The following ZC3H12B variants were observed in gnomAD, a reference collection of about 807,000 sequenced individuals.
ZC3H12B encodes zinc finger CCCH-type containing 12B.
Under a neutral mutation model 43.9 loss-of-function variants are expected in ZC3H12B, and 7 were observed. The ratio of observed to expected loss-of-function variants is 0.16; its 90% CI spans 0.09 to 0.30. The LOEUF (loss-of-function observed/expected upper bound fraction) is 0.30, where lower values mean the gene tolerates loss of function less well. ZC3H12B is among the 10% of genes least tolerant of loss of function. The pLI, the probability that ZC3H12B is intolerant of heterozygous loss-of-function variation, is 1.00. For missense variants in ZC3H12B, 475 were observed against 670.2 expected (o/e 0.71, Z 3.22); for synonymous variants, 222 against 241.7 (o/e 0.92, Z 0.76).
At chrX:65,214,117 G>A in the ZC3H12B span, among the ~76,000 whole-genome samples, 1 of 111,440 alleles carries the variant, frequency 9.0e-6, no homozygotes, top group South Asian at 3.7e-4. Context: ...TCTTCAGTGA[G>A]TTGTAATATT....
the ZC3H12B span, among the ~76,000 whole-genome samples, chrX:65,162,173 G>C: frequency 1.8e-5 from 2 of 111,187 alleles, no homozygotes; most frequent in Non-Finnish European, 3.8e-5. Context: ...TGGGTAACCT[G>C]ACCTTTCTCT....
At chrX:65,342,225 A>C in the ZC3H12B span, among the ~76,000 whole-genome samples, 2 of 111,850 alleles carry the variant, frequency 1.8e-5, no homozygotes, top group African/African-American at 6.5e-5. Context: ...AACCATCTTA[A>C]ATATGTATGC....
At position 65,464,147 on chromosome X, in the gene ZC3H12B, T is replaced by A. The variant is rs762580333; in HGVS notation, n.408-24499T>A. 6.2e-5 allele frequency among the ~76,000 whole-genome samples: 7 copies of A among 112,376 alleles called. No homozygotes were observed. The South Asian group carries it at 2.6e-3, about 42-fold the overall frequency. On this transcript the variant is annotated intron_variant and non_coding_transcript_variant, in intron 3 of 5. Coordinates refer to the ZC3H12B transcript ENST00000617377. ...TTGGACTTTTGCTCCCAATGGGAGA[T>A]GTGTTAACCTGAGAGAGGGCCTGAT...
chrX:65,066,546 A>G, the ZC3H12B span, among the ~76,000 whole-genome samples: 1 of 110,917 alleles, frequency 9.0e-6, no homozygotes, highest in South Asian at 3.8e-4. Flanking sequence ...CCAGGTACTA[A>G]CCTGAGCTCT....
the ZC3H12B span, among the ~76,000 whole-genome samples, chrX:65,127,030 A>G: frequency 1.4e-4 from 15 of 110,610 alleles, 1 homozygote; most frequent in African/African-American, 4.3e-4. Flanking sequence ...TTTTGGATCC[A>G]TTGCTGGTGA....
At chrX:65,152,558 C>G in the ZC3H12B span, among the ~76,000 whole-genome samples, 1 of 111,112 alleles carries the variant, frequency 9.0e-6, no homozygotes, top group Non-Finnish European at 1.9e-5. Flanking sequence ...AGGAGAACTA[C>G]AAACCACTGC....
At chrX:65,222,158 G>A in the ZC3H12B span, among the ~76,000 whole-genome samples, 41 of 111,652 alleles carry the variant, frequency 3.7e-4, 1 homozygote, top group East Asian at 6.2e-3. Flanking sequence ...ATCACTTTAT[G>A]ATTAAAACCC....
At chrX:65,051,885 G>A in the ZC3H12B span, among the ~76,000 whole-genome samples, 1 of 110,758 alleles carries the variant, frequency 9.0e-6, no homozygotes, top group South Asian at 3.9e-4. Context: ...AGCTGAGTCA[G>A]TTCCTGGGAG....
the ZC3H12B span, among the ~76,000 whole-genome samples, chrX:65,204,664 T>A: frequency 4.5e-5 from 5 of 112,017 alleles, no homozygotes; most frequent in Admixed American, 4.8e-4. Context: ...ATTTACAAAG[T>A]GGTAGCCTTA....
At chrX:65,277,358 C>A in the ZC3H12B span, among the ~76,000 whole-genome samples, 1 of 111,401 alleles carries the variant, frequency 9.0e-6, no homozygotes, top group East Asian at 2.8e-4. Context: ...GTAACATACA[C>A]CAAATGGACC....
chrX:65,461,855 T>A (rs779595534), intron 3 of ZC3H12B, among the ~76,000 whole-genome samples: 144 of 108,927 alleles, frequency 1.3e-3, no homozygotes, highest in African/African-American at 4.7e-3. Context: ...ATAAAAAAAA[T>A]AAAATAATAA....
chrX:65,062,637 A>G, the ZC3H12B span, among the ~76,000 whole-genome samples: 1 of 112,107 alleles, frequency 8.9e-6, no homozygotes, highest in East Asian at 2.8e-4. Flanking sequence ...TGTCTTGGCT[A>G]TACGAGCTCT....
chrX:65,256,536 A>C, the ZC3H12B span, among the ~76,000 whole-genome samples: 1 of 112,016 alleles, frequency 8.9e-6, no homozygotes, highest in African/African-American at 3.2e-5. Flanking sequence ...ACACAGCTAA[A>C]GGGGTGCTAA....
the ZC3H12B span, among the ~76,000 whole-genome samples, chrX:65,229,645 G>A: frequency 2.1e-4 from 22 of 103,791 alleles, no homozygotes; most frequent in South Asian, 4.6e-4. Flanking sequence ...TCTGACAAAG[G>A]GCTAATATCC....
the ZC3H12B span, among the ~76,000 whole-genome samples, chrX:65,196,795 A>G: frequency 9.0e-6 from 1 of 111,586 alleles, no homozygotes; most frequent in Non-Finnish European, 1.9e-5. Context: ...TCACCAGGCC[A>G]AAATAACAAA....
intron 3 of ZC3H12B, 67 bp downstream of exon 8, chrX:65,499,300 T>C: frequency 3.6e-6 from 3 of 832,752 alleles, no homozygotes; most frequent in Non-Finnish European, 5.1e-6. Flanking sequence ...TTAATAAACA[T>C]TTACCAAACA....
At chrX:65,122,255 T>G in the ZC3H12B span, among the ~76,000 whole-genome samples, 2 of 110,944 alleles carry the variant, frequency 1.8e-5, no homozygotes, top group African/African-American at 6.6e-5. Context: ...AAAAGAATTT[T>G]CAACCCAGAA....
the ZC3H12B span, among the ~76,000 whole-genome samples, chrX:65,351,033 G>A: frequency 7.1e-5 from 8 of 111,902 alleles, no homozygotes; most frequent in African/African-American, 2.6e-4. Context: ...TGGGCAAGAA[G>A]AAAAAAGCTG....
At chrX:65,365,133 C>T (rs1464796788), upstream of ZC3H12B, among the ~76,000 whole-genome samples, 2 of 111,072 alleles carry the variant, frequency 1.8e-5, no homozygotes, top group Non-Finnish European at 3.8e-5. Context: ...CTTCATACCC[C>T]TTACCATCCT....
Sources: allele counts gnomAD v4.1 joint callset (sites outside exome capture counted in the v4.1 genomes callset), GRCh38; gene constraint gnomAD v4.1.1; transcripts MANE v1.5; gene names NCBI Gene and HGNC (gene_info 2026-07-23, HGNC 2026-07-21).